Variants in RYR2 observed in about 807,000 individuals in gnomAD.
The protein encoded by RYR2 is cardiac muscle ryanodine receptor-calcium release channel.
A neutral mutation model predicts 601.1 loss-of-function variants in RYR2; 227 were observed. The ratio of observed to expected loss-of-function variants is 0.38; its 90% CI spans 0.34 to 0.42. The LOEUF (loss-of-function observed/expected upper bound fraction) is 0.42. RYR2 is among the 10% of genes least tolerant of loss of function. RYR2 has a pLI of 1.00. For missense variants in RYR2, 4,646 were observed against 6,156.5 expected (o/e 0.75, Z 8.21); for synonymous variants, 2,223 against 2,175.1 (o/e 1.02, Z -0.61).
chr1:237,784,003 C>T lies in RYR2; in HGVS notation c.12291C>T (p.Asn4097=), dbSNP rs377313490. The change falls in exon 90 of 105, where the codon AAC becomes AAT. Residue 4097 remains asparagine (N), a synonymous_variant. Transcript: ENST00000366574. The surrounding 1 kb of genome is among the most constrained non-coding windows in gnomAD (Gnocchi z 7.1). ...FHEPAKDIGF[N]VAVLLTNLSE... is the part of the protein sequence containing the mutation. ...AACCTGCGAAGGACATCGGCTTCAA[C>T]GTCGCCGTCCTTCTGACAAACCTCT... The T allele has an allele frequency of 1.8e-5, 29 of 1,613,748 alleles. No homozygotes were observed. Among genetic ancestry groups the T allele is most frequent in the Middle Eastern group, 3.3e-4 (2 of 6,082 alleles).
intron 2 of RYR2, among the ~76,000 whole-genome samples, chr1:237,329,505 G>T (rs1572622547): frequency 6.6e-6 from 1 of 152,050 alleles, no homozygotes; most frequent in African/African-American, 2.4e-5. Context: ...AGCTGGGCTT[G>T]GTGGTGCATG....
intron 101 of RYR2, among the ~76,000 whole-genome samples, chr1:237,821,114 C>T (rs1159591782): frequency 6.6e-6 from 1 of 152,164 alleles, no homozygotes; most frequent in African/African-American, 2.4e-5. Context: ...TAGACTTAAA[C>T]GTCCCTGCCT....
At chr1:237,260,030 T>A (rs924702070) in intron 1 of RYR2, among the ~76,000 whole-genome samples, 6 of 152,188 alleles carry the variant, frequency 3.9e-5, no homozygotes, top group Non-Finnish European at 8.8e-5. Context: ...AGTTCATGCA[T>A]ACAAGGCAAA....
chr1:237,752,842 T>G (rs1423107275), intron 80 of RYR2, among the ~76,000 whole-genome samples: 1 of 152,236 alleles, frequency 6.6e-6, no homozygotes, highest in Non-Finnish European at 1.5e-5. Flanking sequence ...CATGTTGACT[T>G]ATGACGTTAC....
At chr1:237,415,373 C>A (rs1412899250) in intron 10 of RYR2, among the ~76,000 whole-genome samples, 4 of 152,126 alleles carry the variant, frequency 2.6e-5, no homozygotes, top group Admixed American at 1.3e-4. Flanking sequence ...CAACTTACTA[C>A]CTAAAACTCT....
intron 80 of RYR2, among the ~76,000 whole-genome samples, chr1:237,751,566 A>G (rs769536269): frequency 3.9e-5 from 6 of 152,218 alleles, no homozygotes; most frequent in Non-Finnish European, 8.8e-5. Context: ...GAGAAATAAT[A>G]TTCCACCCAA....
intron 16 of RYR2, among the ~76,000 whole-genome samples, chr1:237,458,864 A>T (rs1036869864): frequency 1.3e-5 from 2 of 152,244 alleles, no homozygotes; most frequent in East Asian, 3.8e-4. Context: ...CCTAGCAAAT[A>T]AAACTCTTGT....
intron 38 of RYR2, among the ~76,000 whole-genome samples, chr1:237,623,530 A>G (rs992002425): frequency 7.3e-5 from 11 of 150,942 alleles, no homozygotes; most frequent in African/African-American, 2.4e-4. Context: ...AGTAGCTGGG[A>G]CTACAGGCAT....
At chr1:237,716,452 T>C (rs72751286) in intron 71 of RYR2, among the ~76,000 whole-genome samples, 2 of 152,352 alleles carry the variant, frequency 1.3e-5, no homozygotes, top group African/African-American at 2.4e-5. Flanking sequence ...ACAATTATTT[T>C]AATTTTGACA....
intron 1 of RYR2, among the ~76,000 whole-genome samples, chr1:237,047,192 T>C (rs1359127619): frequency 6.6e-6 from 1 of 152,182 alleles, no homozygotes; most frequent in Non-Finnish European, 1.5e-5. Context: ...AGCACATCAT[T>C]CTTTATAGAG....
chr1:237,072,267 C>G (rs571176285), intron 1 of RYR2, among the ~76,000 whole-genome samples: 23 of 152,356 alleles, frequency 1.5e-4, no homozygotes, highest in Admixed American at 5.9e-4. Context: ...AGAGGGGCCA[C>G]CGCCGCCATC....
intron 1 of RYR2, among the ~76,000 whole-genome samples, chr1:237,209,313 A>G (rs1248476174): frequency 2.6e-5 from 4 of 151,940 alleles, no homozygotes; most frequent in Non-Finnish European, 4.4e-5. Flanking sequence ...TAAAATATAC[A>G]TATATTTAGA....
intron 17 of RYR2, among the ~76,000 whole-genome samples, chr1:237,474,137 A>G (rs948509067): frequency 1.3e-5 from 2 of 151,750 alleles, no homozygotes; most frequent in Admixed American, 1.3e-4. Flanking sequence ...AGCTGTGTGT[A>G]GGTGTGTGTG....
rs753994246 is a variant in RYR2 at position 237,784,128 on chromosome 1, T to C, written c.12416T>C (p.Met4139Thr). ...CCCTTTCTGGGCCGCATCGAAATCA[T>C]GGGAAGCGCCAAACGCATCGAGAGG... Reference protein sequence around the residue: ...FQPFLGRIEIMGSAKRIERVY... With the variant: ...FQPFLGRIEITGSAKRIERVY... Residue 4139 changes from methionine to threonine, a missense_variant, in exon 90 of 105, where the codon ATG becomes ACG. Met to Thr is a moderately conservative substitution (Grantham distance 81). Coordinates refer to ENST00000366574, the MANE Select transcript of RYR2 (RefSeq NM_001035.3). This position sits in a 1 kb window ranked among gnomAD's most constrained non-coding sequence, Gnocchi z 7.1. 9.9e-6 allele frequency: 16 copies of C among 1,613,982 alleles called. No homozygotes were observed. The highest frequency in any genetic ancestry group is 1.3e-5 in the Non-Finnish European group (15 of 1,179,880).
At chr1:237,442,659 C>G (rs1230457248) in intron 13 of RYR2, among the ~76,000 whole-genome samples, 1 of 152,046 alleles carries the variant, frequency 6.6e-6, no homozygotes, top group Non-Finnish European at 1.5e-5. Context: ...TAATGTAGAA[C>G]AAATTCTCAG....
Position 237,538,772 on chromosome 1 carries a change from AT to A in RYR2, c.2906+8263del, listed in dbSNP as rs1201366797. On this transcript the variant is annotated intron_variant, in intron 25 of 104. Transcript: ENST00000366574. The stretch of plus-strand genomic sequence containing the variant: ...GGTGACAGAGTGAGACTCCGTCACA[AT>A]AAAAAAAATTAAAAAAAAATAAAAA... Among the ~76,000 whole-genome samples, 4 of 16,692 alleles carry A rather than the reference AT, an allele frequency of 2.4e-4. No individual in the cohort carries two copies. The Non-Finnish European group carries it at 6.7e-3, about 28-fold the overall frequency. 11.0% of individuals were successfully genotyped at this position (16,692 alleles called of 152,430 possible).
chr1:237,405,524 T>C (rs79226020), intron 10 of RYR2, among the ~76,000 whole-genome samples: 6,378 of 152,352 alleles, frequency 0.042, 214 homozygotes, highest in Non-Finnish European at 0.069. Context: ...TATGTCTGCG[T>C]GAATTTCACT....
At chr1:237,128,374 G>C (rs1340171535) in intron 1 of RYR2, among the ~76,000 whole-genome samples, 1 of 152,198 alleles carries the variant, frequency 6.6e-6, no homozygotes, top group Non-Finnish European at 1.5e-5. Context: ...GAAAGAGAGG[G>C]AGAGGCAGAC....
intron 1 of RYR2, among the ~76,000 whole-genome samples, chr1:237,201,333 C>T (rs903391799): frequency 1.3e-5 from 2 of 152,154 alleles, no homozygotes; most frequent in African/African-American, 4.8e-5. Context: ...AACTTGATCT[C>T]GACGGCTATC....
Sources: allele counts gnomAD v4.1 joint callset (sites outside exome capture counted in the v4.1 genomes callset), GRCh38; gene constraint gnomAD v4.1.1; non-coding constraint Gnocchi (gnomAD v3.1); transcripts MANE v1.5; gene names NCBI Gene and HGNC (gene_info 2026-07-23, HGNC 2026-07-21).